The following PCDHGB4 variants were observed in gnomAD, a reference collection of about 807,000 sequenced individuals.
The protein encoded by PCDHGB4 is protocadherin gamma subfamily B, 4.
PCDHGB4 carries 38 observed loss-of-function variants against 60.5 expected under a neutral mutation model. The observed-to-expected ratio is 0.63, with a 90% confidence interval of 0.48 to 0.82. PCDHGB4 has a LOEUF of 0.82. Ranked by LOEUF, PCDHGB4 falls within the 40% of genes least tolerant of loss-of-function variation. The pLI is 0.00. For missense variants in PCDHGB4, 1,109 were observed against 1,209.6 expected, an observed-to-expected ratio of 0.92 and a Z score of 1.23; for synonymous variants, 456 against 509.7, an observed-to-expected ratio of 0.89 and a Z score of 1.42.
intron 1 of PCDHGB4, chr5:141,408,080 C>G: frequency 7.1e-7 from 1 of 1,412,844 alleles, no homozygotes; most frequent in Non-Finnish European, 9.3e-7. Flanking sequence ...TTTCCCAGCA[C>G]AGCGGATTGC....
intron 1 of PCDHGB4, among the ~76,000 whole-genome samples, chr5:141,464,912 T>A (rs1303305860): frequency 2.6e-5 from 4 of 152,092 alleles, no homozygotes; most frequent in Non-Finnish European, 5.9e-5. Context: ...CTAATTTTTT[T>A]ATTTTTTTGT....
chr5:141,428,119 C>CCGGGCTTTTCAGCCTGGGGCTGCACA, intron 1 of PCDHGB4: 1 of 1,606,630 alleles, frequency 6.2e-7, no homozygotes, highest in Non-Finnish European at 8.5e-7. Context: ...GCCATCGAGC[C>CCGGGCTTTTCAGCCTGGGGCTGCACA]CGGGCTTTTC....
At chr5:141,395,126 C>G (rs1416844764) in intron 1 of PCDHGB4, 1 of 1,614,078 alleles carries the variant, frequency 6.2e-7, no homozygotes, top group East Asian at 2.2e-5. Flanking sequence ...TGATCTTTCC[C>G]CAGCCCAACT....
intron 1 of PCDHGB4, chr5:141,399,946 GC>G: frequency 6.2e-7 from 1 of 1,612,270 alleles, no homozygotes. Context: ...CGTGCTGCAG[GC>G]TAGCGAGCCC....
At chr5:141,393,825 G>A (rs2092852640) in intron 1 of PCDHGB4, 10 of 1,613,964 alleles carry the variant, frequency 6.2e-6, no homozygotes, top group Non-Finnish European at 8.5e-6. Context: ...CATTTCGGTG[G>A]AAGATGTAAA....
At chr5:141,433,123 C>T (rs575738328) in intron 1 of PCDHGB4, 5 of 1,614,116 alleles carry the variant, frequency 3.1e-6, no homozygotes, top group African/African-American at 2.7e-5. Context: ...TTGAAAAAAG[C>T]GAGCCCCTTT....
intron 1 of PCDHGB4, among the ~76,000 whole-genome samples, chr5:141,484,821 G>A (rs1367529999): frequency 6.6e-6 from 1 of 152,122 alleles, no homozygotes; most frequent in Admixed American, 6.5e-5. Context: ...CGTTGAGCGG[G>A]AGGAAGGCGA....
chr5:141,476,367 G>C lies in PCDHGB4; in HGVS notation c.2398-18440G>C, dbSNP rs754652710. ...TTCTTTGAGGTGAACCGGGAGACCG[G>C]AGAGATGTTTGTGAACGACCGTCTG... On this transcript the variant is annotated intron_variant, in intron 1 of 3. Transcript: ENST00000519479. This position sits in a 1 kb window ranked among gnomAD's most constrained non-coding sequence, Gnocchi z 7.6. 6.2e-7 allele frequency: 1 copy of C among 1,614,172 alleles called. No homozygotes were observed. Among genetic ancestry groups the C allele is most frequent in the Non-Finnish European group, 8.5e-7 (1 of 1,180,036 alleles).
chr5:141,434,474 A>G (rs979175338), intron 1 of PCDHGB4, among the ~76,000 whole-genome samples: 2 of 152,222 alleles, frequency 1.3e-5, no homozygotes, highest in Non-Finnish European at 2.9e-5. Context: ...GAATGAGGGC[A>G]AGGAACACCT....
intron 1 of PCDHGB4, chr5:141,398,887 A>T: frequency 6.2e-7 from 1 of 1,613,976 alleles, no homozygotes; most frequent in Non-Finnish European, 8.5e-7. Context: ...CCTTCGGGAA[A>T]ACGTGCCACC....
At chr5:141,426,432 C>T (rs1239073805) in intron 1 of PCDHGB4, 2 of 295,812 alleles carry the variant, frequency 6.8e-6, no homozygotes, top group African/African-American at 2.2e-5. Flanking sequence ...TGGTGGGGAA[C>T]CTTGCGGAGG....
At chr5:141,482,345 T>G (rs192115752) in intron 1 of PCDHGB4, among the ~76,000 whole-genome samples, 8 of 152,122 alleles carry the variant, frequency 5.3e-5, no homozygotes, top group Admixed American at 5.2e-4. Context: ...CTTTGCAAAC[T>G]TGTTGTGAGA....
At chr5:141,415,473 C>T in intron 1 of PCDHGB4, 2 of 1,614,224 alleles carry the variant, frequency 1.2e-6, no homozygotes, top group Non-Finnish European at 1.7e-6. Flanking sequence ...TCACCGCGGA[C>T]TCGCGAAAGA....
intron 1 of PCDHGB4, chr5:141,423,769 CATAT>C (rs2096780943): frequency 8.2e-7 from 1 of 1,219,458 alleles, no homozygotes; most frequent in South Asian, 2.2e-5. Context: ...GGTGGGGCGG[CATAT>C]ATTTAGTTCA....
intron 1 of PCDHGB4, chr5:141,391,595 T>C (rs1353226414): frequency 6.6e-6 from 1 of 152,188 alleles, no homozygotes; most frequent in Non-Finnish European, 1.5e-5. Flanking sequence ...AAATATAAAG[T>C]TTTCAGATTT....
chr5:141,388,353 G>T lies in PCDHGB4; in HGVS notation c.469G>T (p.Ala157Ser). 1 of 1,613,976 alleles carries T rather than the reference G, an allele frequency of 6.2e-7. No individual in the cohort carries two copies. Among genetic ancestry groups the T allele is most frequent in the Non-Finnish European group, 8.5e-7 (1 of 1,179,892 alleles). The change falls in exon 1 of 4, where the codon GCC becomes TCC. Residue 157 changes from alanine to serine, a missense_variant. Around this residue, in one of 2 missense-constraint regions of PCDHGB4, gnomAD observed 1,068 missense variants for 1,089.9 expected, o/e 0.98. Coordinates refer to ENST00000519479, the MANE Select transcript of PCDHGB4 (RefSeq NM_003736.4). ...QPGTRFILGSAHDADIGSNTL... is the reference protein window; with the variant it reads ...QPGTRFILGSSHDADIGSNTL... ...TGGCACACGATTTATATTAGGATCT[G>T]CCCATGATGCGGATATTGGTAGCAA...
At chr5:141,478,332 G>A (rs773442842) in intron 1 of PCDHGB4, 1 of 1,613,924 alleles carries the variant, frequency 6.2e-7, no homozygotes, top group Non-Finnish European at 8.5e-7. Context: ...CGAACACCAG[G>A]GCCCTCCTTG....
intron 1 of PCDHGB4, among the ~76,000 whole-genome samples, chr5:141,445,119 T>C (rs975225604): frequency 1.3e-5 from 2 of 152,270 alleles, no homozygotes; most frequent in African/African-American, 4.8e-5. Context: ...TTGTAAATAG[T>C]ATTTTTAAAA....
rs368168278 is a variant in PCDHGB4, at chr5:141,419,810, C to T, written c.2397+29529C>T. On this transcript the variant is annotated intron_variant, in intron 1 of 3. Coordinates refer to ENST00000519479, the MANE Select transcript of PCDHGB4 (RefSeq NM_003736.4). ...GCTAGTCGCTGTAAGAGATGGAGGA[C>T]AGCCACCCCTTTCAGCCACTGCCAC... The T allele has an allele frequency of 3.1e-6, 5 of 1,613,946 alleles. No individual in the cohort carries two copies. The Admixed American group carries it at 8.3e-5, about 27-fold the overall frequency.
Sources: gnomAD v4.1 joint callset for allele counts (sites outside exome capture counted in the v4.1 genomes callset) on GRCh38, gnomAD v4.1.1 for gene constraint, gnomAD v4.1.1 regional missense constraint, Gnocchi (gnomAD v3.1) non-coding constraint, MANE v1.5 for transcripts, NCBI Gene and HGNC (gene_info 2026-07-23, HGNC 2026-07-21) for gene names.